POLR1A: variants seen among roughly 807,000 people sequenced by gnomAD.
The protein encoded by POLR1A is RNA polymerase I subunit A.
In POLR1A, 84 loss-of-function variants were observed where a neutral mutation model predicts 205.3. The observed-to-expected ratio is 0.41, with a 90% CI of 0.34 to 0.49. The LOEUF (loss-of-function observed/expected upper bound fraction) is 0.49, where lower values mean the gene tolerates loss of function less well. Ranked by LOEUF, POLR1A falls within the 20% of genes least tolerant of loss-of-function variation. The probability of loss-of-function intolerance (pLI) is 0.22; values close to 1 mark genes in which losing one functional copy is unlikely to be tolerated. For synonymous variants in POLR1A, 799 were observed against 863.7 expected, an observed-to-expected ratio of 0.93 and a Z score of 1.31; for missense variants, 1,645 against 2,204.5, an observed-to-expected ratio of 0.75 and a Z score of 5.08.
intron 14 of POLR1A, among the ~76,000 whole-genome samples, chr2:86,055,790 T>C (rs924317100): frequency 6.6e-6 from 1 of 152,076 alleles, no homozygotes; most frequent in Non-Finnish European, 1.5e-5. Flanking sequence ...ACCAACCTAA[T>C]AAAGGGAGGC....
rs187173739 is a variant in POLR1A, at chr2:86,079,587, G to T, written c.1086+1229C>A. Reference sequence around the variant, plus strand: ...TCTTTTTTTTTTAATTATTGAGATGGGGTCTAACTCTGTTACCCAGGCTGG... The same window carrying T: ...TCTTTTTTTTTTAATTATTGAGATGTGGTCTAACTCTGTTACCCAGGCTGG... On this transcript the variant is annotated intron_variant, in intron 9 of 33. Transcript: ENST00000263857. Among the ~76,000 whole-genome samples the T allele has an allele frequency of 4.7e-4, 72 of 152,080 alleles. 2 individuals are homozygous for T. The East Asian group carries it at 0.011, about 23-fold the overall frequency.
intron 6 of POLR1A, among the ~76,000 whole-genome samples, chr2:86,088,169 T>C (rs79738319): frequency 1.1e-3 from 161 of 152,334 alleles, no homozygotes; most frequent in African/African-American, 3.7e-3. Context: ...CATGTTTTGC[T>C]GAATTCTTGC....
At chr2:86,043,305 G>T in intron 22 of POLR1A, 110 bp from the exon 23 acceptor site, 2 of 848,782 alleles carry the variant, frequency 2.4e-6, no homozygotes, top group Admixed American at 4.1e-5. Flanking sequence ...CCAGGTGGCT[G>T]GTGTGGAGCC....
chr2:86,021,040 C>T lies in POLR1A; in HGVS notation c.*6383G>A, dbSNP rs1007006055. 9 of 152,238 alleles carry T rather than the reference C, an allele frequency of 5.9e-5. No homozygotes were observed. The highest frequency in any genetic ancestry group is 8.8e-5 in the Non-Finnish European group (6 of 68,038). 9.4% of individuals were successfully genotyped at this position (152,238 alleles called of 1,614,324 possible). On this transcript the variant is annotated 3_prime_UTR_variant, in exon 34 of 34. Coordinates refer to ENST00000263857, the MANE Select transcript of POLR1A (RefSeq NM_015425.6). ...TCAGAGCTCAGTGTCTTGCCCAAAA[C>T]GCAGCCTCACTGCTCAATCACATTC...
chr2:86,080,747 A>G, intron 9 of POLR1A, 69 bp downstream of exon 9: 1 of 1,434,428 alleles, frequency 7.0e-7, no homozygotes, highest in East Asian at 2.4e-5. Flanking sequence ...CCCAGTGTCT[A>G]CATCCACAGC....
chr2:86,090,222 T>C (rs1020498001), intron 3 of POLR1A, among the ~76,000 whole-genome samples: 6 of 151,920 alleles, frequency 3.9e-5, no homozygotes, highest in Non-Finnish European at 5.9e-5. Flanking sequence ...GGTGAAATCC[T>C]GTCTCTACCA....
intron 3 of POLR1A, among the ~76,000 whole-genome samples, chr2:86,096,415 GA>G (rs112603127): frequency 0.026 from 3,774 of 145,844 alleles, 137 homozygotes; most frequent in African/African-American, 0.085. Context: ...TGCAGAAACA[GA>G]AAAAAAAAAA....
rs1672308081 is a variant in POLR1A at position 86,028,319 on chromosome 2, C to T, written c.4898-270G>A. Among the ~76,000 whole-genome samples, 1 of 152,318 alleles carries T rather than the reference C, an allele frequency of 6.6e-6. No homozygotes were observed. Among genetic ancestry groups the T allele is most frequent in the East Asian group, 1.9e-4 (1 of 5,184 alleles). The stretch of plus-strand genomic sequence containing the variant: ...CTGTTTTCACTTGGGAACTGAAACC[C>T]CAAAGGCAGGATGGGGCCAAGTTAT... On this transcript the variant is annotated intron_variant, in intron 32 of 33. Coordinates refer to ENST00000263857, the MANE Select transcript of POLR1A (RefSeq NM_015425.6). The surrounding 1 kb of genome is among the most constrained non-coding windows in gnomAD (Gnocchi z 4.5).
At position 86,023,562 on chromosome 2, in the gene POLR1A, G is replaced by A. The variant is rs1690196992; in HGVS notation, c.*3861C>T. The A allele has an allele frequency of 6.6e-6, 1 of 152,026 alleles. No homozygotes were observed. Among genetic ancestry groups the A allele is most frequent in the Non-Finnish European group, 1.5e-5 (1 of 68,006 alleles). 9.4% of individuals were successfully genotyped at this position (152,026 alleles called of 1,614,324 possible). A position where few individuals can be genotyped will look rare whatever the true frequency, so the allele number is the denominator to read the frequency against. On this transcript the variant is annotated 3_prime_UTR_variant, in exon 34 of 34. Transcript: ENST00000263857. ...CGAGATGGCACCTCATACACATTAG[G>A]GTGGCTACTATTAACAAGAACAAGG...
chr2:86,034,331 T>C (rs1672456852), intron 27 of POLR1A, among the ~76,000 whole-genome samples: 3 of 152,262 alleles, frequency 2.0e-5, no homozygotes, highest in Non-Finnish European at 4.4e-5. Context: ...GCCAGAGAAC[T>C]CCCTTGGTGT....
At chr2:86,054,504 T>C (rs1457188319) in intron 14 of POLR1A, among the ~76,000 whole-genome samples, 42 of 152,064 alleles carry the variant, frequency 2.8e-4, no homozygotes, top group Admixed American at 2.7e-3. Context: ...CAATGAGGAA[T>C]GAAAACAAAA....
chr2:86,050,665 AGTTT>A (rs1184427453), intron 16 of POLR1A, among the ~76,000 whole-genome samples: 1 of 152,204 alleles, frequency 6.6e-6, no homozygotes, highest in Non-Finnish European at 1.5e-5. Flanking sequence ...ACCTTTGTTA[AGTTT>A]GTTCCTCATC....
intron 9 of POLR1A, among the ~76,000 whole-genome samples, chr2:86,079,889 AC>A (rs1467718852): frequency 6.6e-6 from 1 of 152,094 alleles, no homozygotes; most frequent in Non-Finnish European, 1.5e-5. Flanking sequence ...AGGGACATCA[AC>A]CCTGGTCACT....
rs530072988 is a variant in POLR1A at position 86,079,685 on chromosome 2, CCT to C, written c.1086+1129_1086+1130del. Among the ~76,000 whole-genome samples the C allele has an allele frequency of 1.6e-3, 239 of 152,256 alleles. 2 individuals are homozygous for C. Among genetic ancestry groups the C allele is most frequent in the African/African-American group, 5.3e-3 (222 of 41,534 alleles). On this transcript the variant is annotated intron_variant, in intron 9 of 33. Transcript: ENST00000263857. ...TCCAGTGATCCTCCCACCTCAGCCC[CCT>C]GAGTAGCTGGCACCATAGGCATGAA...
At chr2:86,087,748 G>C (rs988265359) in intron 6 of POLR1A, among the ~76,000 whole-genome samples, 2 of 65,060 alleles carry the variant, frequency 3.1e-5, no homozygotes, top group African/African-American at 6.4e-5. Context: ...TCACCACGTT[G>C]GCCAGGCCGG....
In POLR1A at chr2:86,021,400, G is replaced by C. The variant is rs898562700; in HGVS notation, c.*6023C>G. 6.6e-6 allele frequency: 1 copy of C among 152,492 alleles called. No individual in the cohort carries two copies. Among genetic ancestry groups the C allele is most frequent in the Non-Finnish European group, 1.5e-5 (1 of 68,196 alleles). 9.4% of individuals were successfully genotyped at this position (152,492 alleles called of 1,614,324 possible). A position where few individuals can be genotyped will look rare whatever the true frequency, so the allele number is the denominator to read the frequency against. On this transcript the variant is annotated 3_prime_UTR_variant, in exon 34 of 34. Transcript: ENST00000263857. ...TTCAAGGGCAAAGGGCCAGCAGCCAGGGTGGAAGTGGGGGCAGGAGGTGGG... is the reference window on the plus strand; with the variant it reads ...TTCAAGGGCAAAGGGCCAGCAGCCACGGTGGAAGTGGGGGCAGGAGGTGGG...
In POLR1A at chr2:86,089,863, C is replaced by G; in HGVS notation, c.499G>C (p.Glu167Gln). The change falls in exon 4 of 34, where the codon GAA becomes CAA. Residue 167 changes from glutamate (E) to glutamine (Q), a missense_variant. Around this residue, in one of 16 missense-constraint regions of POLR1A, gnomAD observed 330 missense variants for 375.6 expected, o/e 0.88. Transcript: ENST00000263857. ...IREELEQYTTEIVQNNLLGSQ... is the reference protein window; with the variant it reads ...IREELEQYTTQIVQNNLLGSQ... ...CCCAGGAGGTTGTTCTGCACAATTT[C>G]AGTTGTGTATTGTTCTAATTCCTCC... 1 of 1,613,072 alleles carries G rather than the reference C, an allele frequency of 6.2e-7. No individual in the cohort carries two copies. The highest frequency in any genetic ancestry group is 8.5e-7 in the Non-Finnish European group (1 of 1,178,986).
rs1553436015 is a variant in POLR1A, at chr2:86,068,386, C to CT, written c.1866+1631_1866+1632insA. On this transcript the variant is annotated intron_variant, in intron 13 of 33. Transcript: ENST00000263857. The stretch of plus-strand genomic sequence containing the variant: ...GAACACGCACAGCCAAGCACATGGG[C>CT]GGGGGGGGGGGGCGGGTGTCGTCCA... 4.1e-4 allele frequency among the ~76,000 whole-genome samples: 5 copies of CT among 12,224 alleles called. 1 individual carries two copies. The Admixed American group carries it at 4.8e-3, about 12-fold the overall frequency. The allele number at this position is 12,224 out of a possible 152,430, so 8.0% of individuals were successfully genotyped here. A position where few individuals can be genotyped will look rare whatever the true frequency, so the allele number is the denominator to read the frequency against.
chr2:86,036,828 T>C (rs1471032296), intron 27 of POLR1A: 3 of 151,884 alleles, frequency 2.0e-5, no homozygotes, highest in African/African-American at 7.3e-5. Flanking sequence ...CAGGGAGGAG[T>C]TGAAAAAGTA....
Sources: allele counts gnomAD v4.1 joint callset (sites outside exome capture counted in the v4.1 genomes callset), GRCh38; gene constraint gnomAD v4.1.1; regional missense constraint gnomAD v4.1.1; non-coding constraint Gnocchi (gnomAD v3.1); transcripts MANE v1.5; gene names NCBI Gene and HGNC (gene_info 2026-07-23, HGNC 2026-07-21).